The following NATD1 variants were observed in gnomAD, a reference collection of about 807,000 sequenced individuals.
The protein encoded by NATD1 is N-acetyltransferase domain containing 1, also known as protein NATD1.
In NATD1, 9 loss-of-function variants were observed where a neutral mutation model predicts 12.0. The ratio of observed to expected loss-of-function variants is 0.75; its 90% CI spans 0.45 to 1.30. The LOEUF (loss-of-function observed/expected upper bound fraction) is 1.30. Ranked by LOEUF, NATD1 falls within the 50% of genes most tolerant of loss-of-function variation. The pLI, the probability that NATD1 is intolerant of heterozygous loss-of-function variation, is 0.00. For synonymous variants in NATD1, 71 were observed against 65.9 expected, an observed-to-expected ratio of 1.08 and a Z score of -0.37; for missense variants, 148 against 148.5, an observed-to-expected ratio of 1.00 and a Z score of 0.02.
At chr17:21,248,437 C>G (rs1309479022) in intron 1 of NATD1, among the ~76,000 whole-genome samples, 1 of 152,200 alleles carries the variant, frequency 6.6e-6, no homozygotes, top group Admixed American at 6.5e-5. Context: ...GTCCAGCTGC[C>G]TCTCTGGCCT....
chr17:21,248,989 G>A (rs1287190695), intron 1 of NATD1, among the ~76,000 whole-genome samples: 1 of 152,096 alleles, frequency 6.6e-6, no homozygotes, highest in Non-Finnish European at 1.5e-5. Context: ...GCTCGTGGGG[G>A]ACCCGTCCCT....
At chr17:21,243,573 C>G (rs1372645394) in intron 2 of NATD1, 144 bp from the exon 3 acceptor site, 9 of 627,536 alleles carry the variant, frequency 1.4e-5, no homozygotes, top group Non-Finnish European at 2.2e-5. Context: ...TCAGTGTCAC[C>G]TGGGATGATC....
At chr17:21,251,517 G>A (rs1975376396) in intron 1 of NATD1, among the ~76,000 whole-genome samples, 2 of 152,154 alleles carry the variant, frequency 1.3e-5, no homozygotes, top group South Asian at 2.1e-4. Flanking sequence ...GCCTGGTGGT[G>A]TAGGGTTGGT....
At chr17:21,247,924 G>A (rs1050186868) in intron 1 of NATD1, among the ~76,000 whole-genome samples, 1 of 152,210 alleles carries the variant, frequency 6.6e-6, no homozygotes, top group Non-Finnish European at 1.5e-5. Context: ...AGGCCTCTGG[G>A]CAGGTGACGT....
At chr17:21,251,293 G>GAAAAAAAAA (rs923554742) in intron 1 of NATD1, among the ~76,000 whole-genome samples, 16 of 85,500 alleles carry the variant, frequency 1.9e-4, no homozygotes, top group South Asian at 5.1e-4. Context: ...GAAAGAAAAA[G>GAAAAAAAAA]AAAAAAAAAA....
intron 1 of NATD1, among the ~76,000 whole-genome samples, chr17:21,247,695 T>C (rs1288646298): frequency 2.0e-5 from 3 of 152,184 alleles, no homozygotes; most frequent in African/African-American, 7.2e-5. Flanking sequence ...AAGTGACAAG[T>C]CCTGCCCCCC....
rs769003279 is a variant in NATD1, at chr17:21,252,890, C to T, written c.106+269G>A. Among the ~76,000 whole-genome samples, 164 of 151,982 alleles carry T rather than the reference C, an allele frequency of 1.1e-3. 1 individual carries two copies. Among genetic ancestry groups the T allele is most frequent in the Non-Finnish European group, 2.1e-3 (141 of 67,898 alleles). On this transcript the variant is annotated intron_variant, in intron 1 of 2. Transcript: ENST00000611551. ...GGGCCCCTGTCCGCCCTGGCCCCTG[C>T]TCTCCCGGGAAGTCTGCCCCCGCCC...
At chr17:21,249,550 G>C (rs138019401) in intron 1 of NATD1, among the ~76,000 whole-genome samples, 3 of 152,332 alleles carry the variant, frequency 2.0e-5, no homozygotes, top group South Asian at 4.1e-4. Flanking sequence ...ACTGCATCCA[G>C]GGGTGCTGAG....
Position 21,244,043 on chromosome 17 carries a change from G to A in NATD1, c.225+63C>T, listed in dbSNP as rs1012118611. Reference sequence around the variant, plus strand: ...TGGCCACCAGGGCCACCGTCTCCTCGGAGCGAAGGTGGCAGCCCCCATGTC... The same window carrying A: ...TGGCCACCAGGGCCACCGTCTCCTCAGAGCGAAGGTGGCAGCCCCCATGTC... On this transcript the variant is annotated intron_variant, in intron 2 of 2. Transcript: ENST00000611551. The surrounding 1 kb of genome is among the most constrained non-coding windows in gnomAD (Gnocchi z 5.2). 106 of 1,453,964 alleles carry A rather than the reference G, an allele frequency of 7.3e-5. No homozygotes were observed. In the African/African-American group the frequency reaches 1.1e-3, roughly 15 times the overall value. The allele number at this position is 1,453,964 out of a possible 1,614,324, so 90.1% of individuals were successfully genotyped here. A position where few individuals can be genotyped will look rare whatever the true frequency, so the allele number is the denominator to read the frequency against.
intron 1 of NATD1, among the ~76,000 whole-genome samples, chr17:21,245,625 G>C (rs1443711223): frequency 2.0e-5 from 3 of 152,170 alleles, no homozygotes; most frequent in South Asian, 2.1e-4. Context: ...AGGGATCCAA[G>C]TCACACAGCA....
In NATD1 at chr17:21,240,871, A is replaced by G. The variant is rs1176250842; in HGVS notation, c.*2442T>C. 2 of 152,700 alleles carry G rather than the reference A, an allele frequency of 1.3e-5. No homozygotes were observed. Among genetic ancestry groups the G allele is most frequent in the Admixed American group, 6.5e-5 (1 of 15,282 alleles). 9.5% of individuals were successfully genotyped at this position (152,700 alleles called of 1,614,324 possible). Reference sequence around the variant, plus strand: ...GTCTGTGGCAACCCAACCTGGGAAGATGTTATTGCTCTGCTGGAGACCTTG... The same window carrying G: ...GTCTGTGGCAACCCAACCTGGGAAGGTGTTATTGCTCTGCTGGAGACCTTG... On this transcript the variant is annotated 3_prime_UTR_variant, in exon 3 of 3. Transcript: ENST00000611551.
intron 1 of NATD1, among the ~76,000 whole-genome samples, chr17:21,249,643 C>G (rs1975358303): frequency 1.3e-5 from 2 of 152,150 alleles, no homozygotes; most frequent in South Asian, 4.1e-4. Context: ...GCAGAAAGTT[C>G]CAGGGTTCTG....
At position 21,240,930 on chromosome 17, in the gene NATD1, G is replaced by A. The variant is rs993347931; in HGVS notation, c.*2383C>T. On this transcript the variant is annotated 3_prime_UTR_variant, in exon 3 of 3. Coordinates refer to ENST00000611551, the MANE Select transcript of NATD1 (RefSeq NM_152914.3). Reference sequence around the variant, plus strand: ...CCCGCGAAGCCCTGCCTAGCCCCTTGGCGTGGGTTAGCGGTGCTTTAAGGC... The same window carrying A: ...CCCGCGAAGCCCTGCCTAGCCCCTTAGCGTGGGTTAGCGGTGCTTTAAGGC... 6.5e-6 allele frequency: 1 copy of A among 152,792 alleles called. No individual in the cohort carries two copies. The highest frequency in any genetic ancestry group is 1.5e-5 in the Non-Finnish European group (1 of 68,156). 9.5% of individuals were successfully genotyped at this position (152,792 alleles called of 1,614,324 possible).
chr17:21,248,289 C>T (rs1597785117), intron 1 of NATD1, among the ~76,000 whole-genome samples: 1 of 152,306 alleles, frequency 6.6e-6, no homozygotes, highest in East Asian at 1.9e-4. Flanking sequence ...CCTTGTCCTG[C>T]CCCAAACCTG....
rs746535477 is a variant in NATD1, at chr17:21,243,235, G to T, written c.*78C>A. On this transcript the variant is annotated 3_prime_UTR_variant, in exon 3 of 3. Coordinates refer to ENST00000611551, the MANE Select transcript of NATD1 (RefSeq NM_152914.3). The stretch of plus-strand genomic sequence containing the variant: ...CTGAGTCTGTTCCCAGTGGGACCAG[G>T]TTCCTGAGAGCACGTGGGGCCAGGC... 1.6e-5 allele frequency: 18 copies of T among 1,144,744 alleles called. No homozygotes were observed. The highest frequency in any genetic ancestry group is 1.9e-5 in the Non-Finnish European group (15 of 786,692). The allele number at this position is 1,144,744 out of a possible 1,614,324, so 70.9% of individuals were successfully genotyped here.
chr17:21,250,168 C>T (rs969262015), intron 1 of NATD1, among the ~76,000 whole-genome samples: 4 of 152,238 alleles, frequency 2.6e-5, no homozygotes, highest in East Asian at 1.9e-4. Flanking sequence ...CATAGGACAA[C>T]GGCTTCCAGG....
chr17:21,252,429 T>A (rs1975385529), intron 1 of NATD1, among the ~76,000 whole-genome samples: 1 of 152,226 alleles, frequency 6.6e-6, no homozygotes, highest in African/African-American at 2.4e-5. Context: ...TCTGATCCTT[T>A]ACATTTGTTA....
At chr17:21,252,574 C>G (rs1386998331) in intron 1 of NATD1, among the ~76,000 whole-genome samples, 1 of 152,156 alleles carries the variant, frequency 6.6e-6, no homozygotes, top group African/African-American at 2.4e-5. Context: ...ATAGTGATAG[C>G]CATCCCCCCG....
In NATD1 at chr17:21,243,139, G is replaced by T; in HGVS notation, c.*174C>A. 1 of 571,102 alleles carries T rather than the reference G, an allele frequency of 1.8e-6. No individual in the cohort carries two copies. Among genetic ancestry groups the T allele is most frequent in the Non-Finnish European group, 3.1e-6 (1 of 321,082 alleles). The allele number at this position is 571,102 out of a possible 1,614,324, so 35.4% of individuals were successfully genotyped here. On this transcript the variant is annotated 3_prime_UTR_variant, in exon 3 of 3. Coordinates refer to ENST00000611551, the MANE Select transcript of NATD1 (RefSeq NM_152914.3). Reference sequence around the variant, plus strand: ...TTGCCGCCTCGGTTACCGGGTCACCGCCCATCATTGGTCAGCTGCCTCCAG... The same window carrying T: ...TTGCCGCCTCGGTTACCGGGTCACCTCCCATCATTGGTCAGCTGCCTCCAG...
Sources: gnomAD v4.1 joint callset for allele counts (sites outside exome capture counted in the v4.1 genomes callset) on GRCh38, gnomAD v4.1.1 for gene constraint, Gnocchi (gnomAD v3.1) non-coding constraint, MANE v1.5 for transcripts, NCBI Gene and HGNC (gene_info 2026-07-23, HGNC 2026-07-21) for gene names.